SETMAR: variants seen among roughly 807,000 people sequenced by gnomAD.
SETMAR encodes SET and mariner transposase domain methyltransferase.
A neutral mutation model predicts 58.4 loss-of-function variants in SETMAR; 44 were observed. The ratio of observed to expected loss-of-function variants is 0.75; its 90% CI spans 0.59 to 0.97. The LOEUF (loss-of-function observed/expected upper bound fraction) is 0.97, where lower values mean the gene tolerates loss of function less well. Among genes scored for constraint, SETMAR ranks in the 50% least tolerant of loss-of-function variants. The pLI, the probability that SETMAR is intolerant of heterozygous loss-of-function variation, is 0.00. For missense variants in SETMAR, 903 were observed against 840.2 expected, an observed-to-expected ratio of 1.07 and a Z score of -0.92; for synonymous variants, 332 against 307.4, an observed-to-expected ratio of 1.08 and a Z score of -0.84.
intron 1 of SETMAR, among the ~76,000 whole-genome samples, chr3:4,304,305 C>T (rs1355711266): frequency 2.0e-5 from 3 of 152,136 alleles, no homozygotes; most frequent in African/African-American, 7.2e-5. Flanking sequence ...CCACGCCCGG[C>T]TAATTTTTGT....
intron 1 of SETMAR, among the ~76,000 whole-genome samples, chr3:4,306,115 C>G (rs1387610309): frequency 6.6e-6 from 1 of 152,162 alleles, no homozygotes; most frequent in Admixed American, 6.5e-5. Context: ...TTACAACTGT[C>G]ACGATTAGCT....
intron 1 of SETMAR, among the ~76,000 whole-genome samples, chr3:4,309,975 T>TAC (rs900818534): frequency 1.3e-5 from 2 of 152,232 alleles, no homozygotes; most frequent in African/African-American, 4.8e-5. Flanking sequence ...TATAGCCTAC[T>TAC]ACACACTTAG....
In SETMAR at chr3:4,303,526, G is replaced by C; in HGVS notation, c.156G>C (p.Gln52His). 1 of 1,416,298 alleles carries C rather than the reference G, an allele frequency of 7.1e-7. No individual in the cohort carries two copies. Among genetic ancestry groups the C allele is most frequent in the Non-Finnish European group, 9.2e-7 (1 of 1,090,254 alleles). 87.7% of individuals were successfully genotyped at this position (1,416,298 alleles called of 1,614,324 possible). ...CGGGGGCCGCGCCGGCGCCCTTCCA[G>C]GTAGGGGCGGGGCCAGGCGGCGCGG... ...WPPGAAPAPF[Q>H]YTPDHVVGPG... Residue 52 changes from glutamine to histidine, a missense_variant and splice_region_variant, in exon 1 of 3, where the codon CAG (glutamine) becomes CAC (histidine). Coordinates refer to ENST00000358065, the MANE Select transcript of SETMAR (RefSeq NM_006515.4).
chr3:4,312,540 C>A (rs1390363063), intron 1 of SETMAR, among the ~76,000 whole-genome samples: 2 of 151,524 alleles, frequency 1.3e-5, no homozygotes, highest in Admixed American at 6.6e-5. Flanking sequence ...TAAAATAAAA[C>A]CACAAATTCT....
intron 2 of SETMAR, among the ~76,000 whole-genome samples, chr3:4,314,838 ATAT>A (rs1284160861): frequency 6.6e-6 from 1 of 152,176 alleles, no homozygotes; most frequent in Non-Finnish European, 1.5e-5. Flanking sequence ...AGCCCCTATG[ATAT>A]TATTAAGTAA....
At chr3:4,306,505 G>A (rs1001558253) in intron 1 of SETMAR, among the ~76,000 whole-genome samples, 1 of 152,196 alleles carries the variant, frequency 6.6e-6, no homozygotes, top group Non-Finnish European at 1.5e-5. Context: ...GTCCCACAGT[G>A]TTCTAACTAT....
rs776697150 is a variant in SETMAR at position 4,317,033 on chromosome 3, G to C, written c.1842G>C (p.Pro614=). ...ELGYEVLPHP[P]YSPDLLPTNY... ...GCTATGAAGTTTTGCCTCATCCACC[G>C]TATTCACCTGACCTCTTGCCAACCA... Residue 614 remains proline, a synonymous_variant, in exon 3 of 3, where the codon CCG becomes CCC. Coordinates refer to ENST00000358065, the MANE Select transcript of SETMAR (RefSeq NM_006515.4). The C allele has an allele frequency of 4.5e-6, 7 of 1,549,186 alleles. No homozygotes were observed. In the Admixed American group the frequency reaches 5.9e-5, roughly 13 times the overall value.
chr3:4,317,175 G>A lies in SETMAR; in HGVS notation c.1984G>A (p.Ala662Thr), dbSNP rs114846657. ...FVESQSTDFY[A>T]TGINQLISRW... ...CGAATCCCAAAGCACGGATTTTTACGCTACAGGAATAAACCAACTTATTTC... is the reference window on the plus strand; with the variant it reads ...CGAATCCCAAAGCACGGATTTTTACACTACAGGAATAAACCAACTTATTTC... The change falls in exon 3 of 3, where the codon GCT (alanine) becomes ACT (threonine). Residue 662 changes from alanine to threonine, a missense_variant. Transcript: ENST00000358065. The A allele has an allele frequency of 8.6e-4, 1,326 of 1,549,924 alleles. 11 individuals carry two copies. The African/African-American group carries it at 0.016, about 19-fold the overall frequency.
chr3:4,310,067 C>T (rs310724), intron 1 of SETMAR, among the ~76,000 whole-genome samples: 49,476 of 151,988 alleles, frequency 0.33, 10,736 homozygotes, highest in African/African-American at 0.61. Context: ...ATACTTGTAA[C>T]GCAGTGGTGT....
At chr3:4,304,024 A>T (rs1698072060) in intron 1 of SETMAR, 4 of 280,088 alleles carry the variant, frequency 1.4e-5, no homozygotes, top group African/African-American at 2.3e-5. Flanking sequence ...TCCAGCGTAC[A>T]GTGGAACAGT....
At position 4,316,641 on chromosome 3, in the gene SETMAR, C is replaced by G; in HGVS notation, c.1450C>G (p.His484Asp). 1 of 1,551,188 alleles carries G rather than the reference C, an allele frequency of 6.4e-7. No individual in the cohort carries two copies. The highest frequency in any genetic ancestry group is 8.7e-7 in the Non-Finnish European group (1 of 1,146,726). The change falls in exon 3 of 3, where the codon CAC becomes GAC. Residue 484 changes from histidine (H) to aspartate (D), a missense_variant. Physicochemically the swap from His to Asp is moderately conservative, Grantham distance 81. Transcript: ENST00000358065. ...GTCATCTTCTCTTATTCTACGCAACCACAACGAACCATTTCTCGATCGGAT... is the reference window on the plus strand; with the variant it reads ...GTCATCTTCTCTTATTCTACGCAACGACAACGAACCATTTCTCGATCGGAT... Reference protein sequence around the residue: ...EVSSSLILRNHNEPFLDRIVT... With the variant: ...EVSSSLILRNDNEPFLDRIVT...
At chr3:4,309,809 T>G (rs976856584) in intron 1 of SETMAR, among the ~76,000 whole-genome samples, 1 of 152,220 alleles carries the variant, frequency 6.6e-6, no homozygotes, top group Non-Finnish European at 1.5e-5. Flanking sequence ...TGACTCCCAG[T>G]TTGTAACCCA....
At position 4,317,207 on chromosome 3, in the gene SETMAR, G is replaced by A; in HGVS notation, c.2016G>A (p.Trp672Ter). The change falls in exon 3 of 3, where the codon TGG (tryptophan) becomes TGA (stop). Residue 672 changes from tryptophan (W) to a stop codon, truncating the protein, a stop_gained. Transcript: ENST00000358065. LOFTEE classifies it high-confidence loss of function. The stretch of plus-strand genomic sequence containing the variant: ...GAATAAACCAACTTATTTCTCGTTG[G>A]CAAAAATGTGTTGATTGTAATGGTT... ...ATGINQLISR[W>*]QKCVDCNGSY... 6.5e-7 allele frequency: 1 copy of A among 1,546,952 alleles called. No homozygotes were observed. Among genetic ancestry groups the A allele is most frequent in the Non-Finnish European group, 8.7e-7 (1 of 1,145,588 alleles).
intron 2 of SETMAR, 149 bp downstream of exon 2, chr3:4,313,910 A>G: frequency 2.2e-6 from 3 of 1,377,332 alleles, no homozygotes; most frequent in Non-Finnish European, 2.9e-6. Flanking sequence ...CCCTTTCTGT[A>G]ATAGAATTCT....
chr3:4,303,610 C>T (rs1417387394), intron 1 of SETMAR, 84 bp downstream of exon 1: 19 of 1,377,680 alleles, frequency 1.4e-5, no homozygotes, highest in Non-Finnish European at 1.7e-5. Context: ...GGGACGGCCT[C>T]CCAGTCGCGA....
chr3:4,305,363 G>T (rs868853036), intron 1 of SETMAR, among the ~76,000 whole-genome samples: 14 of 152,184 alleles, frequency 9.2e-5, no homozygotes, highest in Non-Finnish European at 1.6e-4. Flanking sequence ...TGGGATTACA[G>T]ACGTGAGCCA....
chr3:4,313,702 C>T lies in SETMAR; in HGVS notation c.961C>T (p.Pro321Ser). ...CATCAGTTGTGGAAATGAGAAGGAA[C>T]CCAGCATGTGTGGCTCAGCCCCTTC... is the stretch of plus-strand genomic sequence containing the variant. ...SNISCGNEKE[P>S]SMCGSAPSVF... The change falls in exon 2 of 3, where the codon CCC becomes TCC. Residue 321 changes from proline to serine, a missense_variant. Coordinates refer to ENST00000358065, the MANE Select transcript of SETMAR (RefSeq NM_006515.4). 1 of 1,614,018 alleles carries T rather than the reference C, an allele frequency of 6.2e-7. No individual in the cohort carries two copies. The highest frequency in any genetic ancestry group is 8.5e-7 in the Non-Finnish European group (1 of 1,179,950).
intron 1 of SETMAR, 119 bp downstream of exon 1, chr3:4,303,645 C>G: frequency 7.0e-7 from 1 of 1,430,112 alleles, no homozygotes; most frequent in Non-Finnish European, 9.2e-7. Context: ...TTACAGCGCA[C>G]CCGTTGGTGC....
In SETMAR at chr3:4,316,300, G is replaced by T. The variant is rs760872681; in HGVS notation, c.1109G>T (p.Arg370Leu). ...GGTCGTAAAGCAGCAGAAACAACTC[G>T]CAACATCAACAATGCATTTGGCCCA... ...KMGRKAAETT[R>L]NINNAFGPGT... The change falls in exon 3 of 3, where the codon CGC (arginine) becomes CTC (leucine). Residue 370 changes from arginine (R) to leucine (L), a missense_variant. By Grantham distance (102) the Arg-to-Leu change is moderately radical (BLOSUM62 -2). Transcript: ENST00000358065. 2 of 1,089,750 alleles carry T rather than the reference G, an allele frequency of 1.8e-6. No individual in the cohort carries two copies. The highest frequency in any genetic ancestry group is 2.7e-6 in the Non-Finnish European group (2 of 739,570). The allele number at this position is 1,089,750 out of a possible 1,614,324, so 67.5% of individuals were successfully genotyped here.
Sources: gnomAD v4.1 joint callset for allele counts (sites outside exome capture counted in the v4.1 genomes callset) on GRCh38, gnomAD v4.1.1 for gene constraint, MANE v1.5 for transcripts, NCBI Gene and HGNC (gene_info 2026-07-23, HGNC 2026-07-21) for gene names.